ELAVL2: variants seen among roughly 807,000 people sequenced by gnomAD.
ELAVL2 encodes the protein ELAV-like protein 2.
In ELAVL2, 4 loss-of-function variants were observed where a neutral mutation model predicts 34.6. That is an observed-to-expected ratio of 0.12 (90% CI 0.06 to 0.26). The LOEUF is 0.26. Among genes scored for constraint, ELAVL2 ranks in the 10% least tolerant of loss-of-function variants. The pLI, the probability that ELAVL2 is intolerant of heterozygous loss-of-function variation, is 1.00. For missense variants in ELAVL2, 432 were observed against 442.8 expected, an observed-to-expected ratio of 0.98 and a Z score of 0.22; for synonymous variants, 193 against 154.8, an observed-to-expected ratio of 1.25 and a Z score of -1.83.
chr9:23,729,362 C>T (rs866677514), intron 3 of ELAVL2, among the ~76,000 whole-genome samples: 1 of 152,154 alleles, frequency 6.6e-6, no homozygotes, highest in Middle Eastern at 3.4e-3. Context: ...GGAAAAGAAA[C>T]CTGCAAAAAT....
At chr9:23,737,309 T>G (rs2048130553) in intron 2 of ELAVL2, among the ~76,000 whole-genome samples, 1 of 152,214 alleles carries the variant, frequency 6.6e-6, no homozygotes, top group South Asian at 2.1e-4. Flanking sequence ...GTCCCTACAT[T>G]GTACCAGATG....
rs533726074 is a variant in ELAVL2 at position 23,731,244 on chromosome 9, G to T, written c.230-119C>A. On this transcript the variant is annotated intron_variant, in intron 2 of 6. Coordinates refer to ENST00000397312, the MANE Select transcript of ELAVL2 (RefSeq NM_004432.5). ...CAGCATATTTCCTCAACAGTAAAAA[G>T]AACTCTCTATTAATTCTAGAAATAT... is the stretch of plus-strand genomic sequence containing the variant. 13 of 706,178 alleles carry T rather than the reference G, an allele frequency of 1.8e-5. No individual in the cohort carries two copies. In the South Asian group the frequency reaches 3.6e-4, roughly 19 times the overall value. 43.7% of individuals were successfully genotyped at this position (706,178 alleles called of 1,614,324 possible). A position where few individuals can be genotyped will look rare whatever the true frequency, so the allele number is the denominator to read the frequency against.
chr9:23,759,732 T>C (rs2054425509), intron 2 of ELAVL2, among the ~76,000 whole-genome samples: 1 of 132,760 alleles, frequency 7.5e-6, no homozygotes, highest in Non-Finnish European at 1.6e-5. Context: ...GTAATATATA[T>C]GTGTATACAT....
intron 2 of ELAVL2, among the ~76,000 whole-genome samples, chr9:23,747,894 G>C (rs1418231392): frequency 6.6e-6 from 1 of 152,002 alleles, no homozygotes. Context: ...AAGGCAGGAG[G>C]CCAAGATATA....
rs1311075672 is a variant in ELAVL2, at chr9:23,701,562, A to C, written c.530T>G (p.Ile177Ser). ...GVGFIRFDKR[I>S]EAEEAIKGLN... ...GCCTTTGATAGCTTCTTCTGCCTCA[A>C]TTCGCTTGTCAAATCGAATAAACCC... Residue 177 changes from isoleucine (I) to serine (S), a missense_variant, in exon 5 of 7, where the codon ATT becomes AGT. By Grantham distance (142) the Ile-to-Ser change is moderately radical. Coordinates refer to ENST00000397312, the MANE Select transcript of ELAVL2 (RefSeq NM_004432.5). 6.2e-7 allele frequency: 1 copy of C among 1,614,090 alleles called. No individual in the cohort carries two copies. Among genetic ancestry groups the C allele is most frequent in the Non-Finnish European group, 8.5e-7 (1 of 1,179,980 alleles).
chr9:23,793,060 G>C (rs1345716811), intron 1 of ELAVL2, among the ~76,000 whole-genome samples: 4 of 152,150 alleles, frequency 2.6e-5, no homozygotes, highest in Non-Finnish European at 5.9e-5. Flanking sequence ...TTACAGGAGT[G>C]AGGCACCACT....
At chr9:23,768,338 G>A (rs1201054834) in intron 1 of ELAVL2, among the ~76,000 whole-genome samples, 1 of 151,854 alleles carries the variant, frequency 6.6e-6, no homozygotes, top group Non-Finnish European at 1.5e-5. Context: ...CCATTTCAGG[G>A]GTTTGTACAA....
At chr9:23,703,915 C>T (rs997370812) in intron 4 of ELAVL2, among the ~76,000 whole-genome samples, 4 of 151,990 alleles carry the variant, frequency 2.6e-5, no homozygotes. Flanking sequence ...ACAAGTATTG[C>T]TTTCATTTTA....
intron 1 of ELAVL2, among the ~76,000 whole-genome samples, chr9:23,767,881 T>C (rs913505514): frequency 1.3e-5 from 2 of 152,150 alleles, no homozygotes; most frequent in African/African-American, 2.4e-5. Flanking sequence ...AGAAACCACC[T>C]GATTTAGGGA....
intron 3 of ELAVL2, among the ~76,000 whole-genome samples, chr9:23,709,515 C>A (rs1407174139): frequency 3.9e-5 from 6 of 151,924 alleles, no homozygotes; most frequent in African/African-American, 1.5e-4. Flanking sequence ...CAGAATCATA[C>A]AGGGGCTATT....
At chr9:23,786,802 A>AAAAAAAAAAAAAAAAAAAAAAAAC (rs1554747169) in intron 1 of ELAVL2, among the ~76,000 whole-genome samples, 3 of 127,334 alleles carry the variant, frequency 2.4e-5, no homozygotes, top group Non-Finnish European at 3.3e-5. Context: ...AAAAAAAAAA[A>AAAAAAAAAAAAAAAAAAAAAAAAC]AGAGAGAGAG....
chr9:23,746,954 C>G (rs1301521768), intron 2 of ELAVL2, among the ~76,000 whole-genome samples: 2 of 151,966 alleles, frequency 1.3e-5, no homozygotes, highest in Non-Finnish European at 2.9e-5. Flanking sequence ...ACAAAACAAG[C>G]ACCAATTTAG....
chr9:23,759,671 C>A (rs2054404846), intron 2 of ELAVL2, among the ~76,000 whole-genome samples: 1 of 146,006 alleles, frequency 6.8e-6, no homozygotes, highest in African/African-American at 2.5e-5. Context: ...CAAATTTGTT[C>A]AATTATGTGT....
chr9:23,701,483 A>G lies in ELAVL2; in HGVS notation c.609T>C (p.Ala203=), dbSNP rs2037187215. ...GATEPITVKF[A]NNPSQKTNQA... The stretch of plus-strand genomic sequence containing the variant: ...GATTGGTTTTTTGGCTTGGGTTATT[A>G]GCAAACTTTACAGTGATTGGCTCCG... The change falls in exon 5 of 7, where the codon GCT becomes GCC. Residue 203 remains alanine, a synonymous_variant. Coordinates refer to ENST00000397312, the MANE Select transcript of ELAVL2 (RefSeq NM_004432.5). 3.7e-6 allele frequency: 6 copies of G among 1,614,102 alleles called. No individual in the cohort carries two copies. Among genetic ancestry groups the G allele is most frequent in the Non-Finnish European group, 5.1e-6 (6 of 1,179,986 alleles).
At chr9:23,739,990 T>C (rs1160012136) in intron 2 of ELAVL2, among the ~76,000 whole-genome samples, 1 of 152,140 alleles carries the variant, frequency 6.6e-6, no homozygotes, top group Non-Finnish European at 1.5e-5. Context: ...AACGGGAAAC[T>C]ATAAAATTAG....
chr9:23,730,148 T>C (rs1168611863), intron 3 of ELAVL2, among the ~76,000 whole-genome samples: 1 of 152,096 alleles, frequency 6.6e-6, no homozygotes, highest in Non-Finnish European at 1.5e-5. Flanking sequence ...AGAGGGCAAA[T>C]TGATGGTACA....
At chr9:23,708,542 G>A (rs2040036926) in intron 3 of ELAVL2, among the ~76,000 whole-genome samples, 2 of 152,140 alleles carry the variant, frequency 1.3e-5, no homozygotes, top group African/African-American at 4.8e-5. Flanking sequence ...GTTCTGAGTT[G>A]GGAAAAATTA....
chr9:23,791,545 CTTAA>C (rs1185927019), intron 1 of ELAVL2, among the ~76,000 whole-genome samples: 1 of 152,054 alleles, frequency 6.6e-6, no homozygotes, highest in South Asian at 2.1e-4. Flanking sequence ...ACTCTATTTC[CTTAA>C]TTATTTCAGG....
chr9:23,787,551 G>T (rs72693560), intron 1 of ELAVL2, among the ~76,000 whole-genome samples: 21,308 of 150,308 alleles, frequency 0.14, 1,947 homozygotes, highest in South Asian at 0.25. Context: ...TTTTTCAAAT[G>T]AGGAAATAGG....
Sources: gnomAD v4.1 joint callset for allele counts (sites outside exome capture counted in the v4.1 genomes callset) on GRCh38, gnomAD v4.1.1 for gene constraint, MANE v1.5 for transcripts, NCBI Gene and HGNC (gene_info 2026-07-23, HGNC 2026-07-21) for gene names.